TAF1D: variants seen among roughly 807,000 people sequenced by gnomAD.
TAF1D encodes the protein TATA-box binding protein associated factor, RNA polymerase I subunit D.
In TAF1D, 23 loss-of-function variants were observed where a neutral mutation model predicts 26.2. That is an observed-to-expected ratio of 0.88 (90% confidence interval 0.63 to 1.25). TAF1D has a LOEUF of 1.25. Among genes scored for constraint, TAF1D ranks in the 50% most tolerant of loss-of-function variants. TAF1D has a pLI of 0.00. For synonymous variants in TAF1D, 100 were observed against 105.6 expected (o/e 0.95, Z 0.33); for missense variants, 299 against 322.0 (o/e 0.93, Z 0.55).
At chr11:93,734,739 A>G (rs2135475866), downstream of TAF1D, 1 of 1,286,282 alleles carries the variant, frequency 7.8e-7, no homozygotes, top group East Asian at 5.5e-5. Context: ...GATTTCCCTC[A>G]TATCCCATGC....
downstream of TAF1D, chr11:93,735,395 G>T (rs2135485383): frequency 1.0e-6 from 1 of 964,088 alleles, no homozygotes; most frequent in East Asian, 8.6e-5. Flanking sequence ...GTTAAAAGTA[G>T]TATTAGGCCA....
At position 93,737,045 on chromosome 11, in the gene TAF1D, T is replaced by A. The variant is rs2135501542; in HGVS notation, c.635+19A>T. Reference sequence around the variant, plus strand: ...AATTTATAACCTATTACCAAAGTATTTCATATGATTCCACTTACGTTGACT... The same window carrying A: ...AATTTATAACCTATTACCAAAGTATATCATATGATTCCACTTACGTTGACT... On this transcript the variant is annotated intron_variant, in intron 4 of 5. Transcript: ENST00000448108. 1 of 1,556,032 alleles carries A rather than the reference T, an allele frequency of 6.4e-7. No individual in the cohort carries two copies. The highest frequency in any genetic ancestry group is 2.3e-5 in the East Asian group (1 of 44,044).
chr11:93,739,326 A>C lies in TAF1D; in HGVS notation c.-22T>G. ...CCATCAATTGCTCTTTGTTTTAAAC[A>C]GTTTTCTGAAATTATGAAATTTAGT... On this transcript the variant is annotated 5_prime_UTR_variant, in exon 2 of 6. Transcript: ENST00000448108. The C allele has an allele frequency of 6.2e-7, 1 of 1,600,022 alleles. No homozygotes were observed. The highest frequency in any genetic ancestry group is 8.5e-7 in the Non-Finnish European group (1 of 1,174,390).
chr11:93,736,736 A>G lies in TAF1D; in HGVS notation c.651T>C (p.Asp217=). Residue 217 remains aspartate (D), a synonymous_variant, in exon 5 of 6, where the codon GAT becomes GAC. Transcript: ENST00000448108. ...ATTCGTTATCTTCAAGATGTGTTGC[A>G]TCCTCATCCTCTGCTCTGTAATATT... ...PIEESTAEDE[D]ATHLEDNECD... 6.2e-7 allele frequency: 1 copy of G among 1,611,040 alleles called. No individual in the cohort carries two copies. Among genetic ancestry groups the G allele is most frequent in the Non-Finnish European group, 8.5e-7 (1 of 1,179,168 alleles).
At position 93,737,150 on chromosome 11, in the gene TAF1D, A is replaced by G; in HGVS notation, c.549T>C (p.Gly183=). The change falls in exon 4 of 6, where the codon GGT becomes GGC. Residue 183 remains glycine, a synonymous_variant. Transcript: ENST00000448108. ...CAAAATCTTCATTTTCTAAATCTTC[A>G]CCAACATTCATTTGCTTCAATGATT... ...LKESLKQMNV[G]EDLENEDFDS... 1 of 1,612,504 alleles carries G rather than the reference A, an allele frequency of 6.2e-7. No individual in the cohort carries two copies.
chr11:93,730,343 A>AT, exon 12 of TAF1D: 4 of 1,115,332 alleles, frequency 3.6e-6, no homozygotes, highest in Non-Finnish European at 4.0e-6. Context: ...AAGTCAATAA[A>AT]TTGTTATTCG....
At chr11:93,732,485 A>G, downstream of TAF1D, 1 of 518,370 alleles carries the variant, frequency 1.9e-6, no homozygotes, top group South Asian at 1.4e-5. Context: ...CTGAGTGCAG[A>G]TACCATGCAG....
chr11:93,733,195 T>G, downstream of TAF1D: 1 of 514,510 alleles, frequency 1.9e-6, no homozygotes, highest in South Asian at 1.4e-5. Context: ...AAGTATAAAT[T>G]TAAGATCCAG....
intron 3 of TAF1D, 31 bp downstream of exon 3, chr11:93,738,078 G>C (rs201300323): frequency 6.6e-7 from 1 of 1,523,540 alleles, no homozygotes; most frequent in Non-Finnish European, 8.7e-7. Context: ...CTTGAGTTAT[G>C]TGTAGCCATG....
At chr11:93,730,752 G>A (rs948995114), downstream of TAF1D, 2 of 464,938 alleles carry the variant, frequency 4.3e-6, no homozygotes, top group Non-Finnish European at 8.4e-6. Context: ...TACATTTCCA[G>A]AGATGAGTGT....
chr11:93,732,704 T>TA (rs1215434443), downstream of TAF1D: 2 of 278,134 alleles, frequency 7.2e-6, no homozygotes, highest in African/African-American at 4.4e-5. Flanking sequence ...CTATAAAACT[T>TA]AAAGATGGAA....
downstream of TAF1D, chr11:93,735,179 T>C: frequency 7.4e-7 from 1 of 1,352,004 alleles, no homozygotes; most frequent in Non-Finnish European, 9.8e-7. Flanking sequence ...AGAGGATTTA[T>C]TTTTTGCACC....
chr11:93,737,480 A>T (rs1038112167), intron 3 of TAF1D, among the ~76,000 whole-genome samples: 4 of 152,152 alleles, frequency 2.6e-5, no homozygotes, highest in Non-Finnish European at 5.9e-5. Flanking sequence ...GGACTTACTA[A>T]AGGCATTTTA....
rs34591613 is a variant in TAF1D, at chr11:93,736,726, G to C, written c.661C>G (p.Leu221Val). Residue 221 changes from leucine to valine, a missense_variant, in exon 5 of 6, where the codon CTT (leucine) becomes GTT (valine). Transcript: ENST00000448108. ...TTGATATCACATTCGTTATCTTCAA[G>C]ATGTGTTGCATCCTCATCCTCTGCT... Reference protein sequence around the residue: ...STAEDEDATHLEDNECDIKLA... With the variant: ...STAEDEDATHVEDNECDIKLA... 0.014 allele frequency: 23,262 copies of C among 1,610,886 alleles called. 189 individuals are homozygous for C. Among genetic ancestry groups the C allele is most frequent in the Non-Finnish European group, 0.016 (19,162 of 1,178,974 alleles).
At position 93,738,278 on chromosome 11, in the gene TAF1D, C is replaced by G. The variant is rs1941182641; in HGVS notation, c.290G>C (p.Arg97Thr). The G allele has an allele frequency of 6.2e-7, 1 of 1,611,026 alleles. No homozygotes were observed. The highest frequency in any genetic ancestry group is 1.3e-5 in the African/African-American group (1 of 74,448). The stretch of plus-strand genomic sequence containing the variant: ...TGGTCTTCCTGTTGGCTGGTACCTC[C>G]TCTTTTTCTTTTTTTTATATCTCTT... ...RKKRYKKKKK[R>T]RYQPTGRPRG... The change falls in exon 3 of 6, where the codon AGG (arginine) becomes ACG (threonine). Residue 97 changes from arginine to threonine, a missense_variant. Arg to Thr is a moderately conservative substitution (Grantham distance 71, BLOSUM62 -1). Coordinates refer to ENST00000448108, the MANE Select transcript of TAF1D (RefSeq NM_024116.4).
Position 93,735,632 on chromosome 11 carries a change from G to A in TAF1D, c.*529C>T. The A allele has an allele frequency of 1.0e-6, 1 of 953,074 alleles. No individual in the cohort carries two copies. The highest frequency in any genetic ancestry group is 1.8e-5 in the African/African-American group (1 of 56,392). The allele number at this position is 953,074 out of a possible 1,614,324, so 59.0% of individuals were successfully genotyped here. A position where few individuals can be genotyped will look rare whatever the true frequency, so the allele number is the denominator to read the frequency against. On this transcript the variant is annotated 3_prime_UTR_variant, in exon 6 of 6. Coordinates refer to ENST00000448108, the MANE Select transcript of TAF1D (RefSeq NM_024116.4). ...GCAGTAAGCCAAGACTGCGGCCATT[G>A]CACTACAGCCTGGGTGACAGATCGA...
chr11:93,731,861 G>GTA (rs1042530321), downstream of TAF1D: 1 of 367,040 alleles, frequency 2.7e-6, no homozygotes, highest in African/African-American at 2.1e-5. Context: ...ACACAGTAAT[G>GTA]TATACCACAT....
chr11:93,737,047 C>G lies in TAF1D; in HGVS notation c.635+17G>C. 1 of 1,558,340 alleles carries G rather than the reference C, an allele frequency of 6.4e-7. No individual in the cohort carries two copies. The highest frequency in any genetic ancestry group is 1.2e-5 in the South Asian group (1 of 81,380). On this transcript the variant is annotated intron_variant, in intron 4 of 5. Transcript: ENST00000448108. ...TTTATAACCTATTACCAAAGTATTT[C>G]ATATGATTCCACTTACGTTGACTCC...
In TAF1D at chr11:93,736,168, T is replaced by A. The variant is rs891730222; in HGVS notation, c.830A>T (p.Lys277Ile). ...KAKNTGQRGL[K>I]M ...TTGACATTCATGATCCTGTCACATT[T>A]TCAGGCCTCTCTGTCCAGTATTTTT... The change falls in exon 6 of 6, where the codon AAA becomes ATA. Residue 277 changes from lysine to isoleucine, a missense_variant. Lys to Ile is a moderately radical substitution (Grantham distance 102). Transcript: ENST00000448108. The A allele has an allele frequency of 1.1e-4, 180 of 1,613,514 alleles. No homozygotes were observed. The highest frequency in any genetic ancestry group is 1.5e-4 in the Non-Finnish European group (174 of 1,179,818).
Sources: gnomAD v4.1 joint callset for allele counts (sites outside exome capture counted in the v4.1 genomes callset) on GRCh38, gnomAD v4.1.1 for gene constraint, MANE v1.5 for transcripts, NCBI Gene and HGNC (gene_info 2026-07-23, HGNC 2026-07-21) for gene names.